PCDH9: variants seen among roughly 807,000 people sequenced by gnomAD.
PCDH9 encodes protocadherin 9, also known as protocadherin-9.
In PCDH9, 24 loss-of-function variants were observed where a neutral mutation model predicts 70.6. That is an observed-to-expected ratio of 0.34 (90% CI 0.25 to 0.48). The LOEUF (loss-of-function observed/expected upper bound fraction) is 0.48. Ranked by LOEUF, PCDH9 falls within the 20% of genes least tolerant of loss-of-function variation. The pLI, the probability that PCDH9 is intolerant of heterozygous loss-of-function variation, is 0.99. For synonymous variants in PCDH9, 562 were observed against 558.5 expected, an observed-to-expected ratio of 1.01 and a Z score of -0.09; for missense variants, 1,281 against 1,503.6, an observed-to-expected ratio of 0.85 and a Z score of 2.45.
chr13:67,109,024 A>G (rs1296659322), intron 2 of PCDH9, among the ~76,000 whole-genome samples: 1 of 152,216 alleles, frequency 6.6e-6, no homozygotes, highest in African/African-American at 2.4e-5. Context: ...AAGTATTCTC[A>G]ACACAGTATC....
intron 3 of PCDH9, among the ~76,000 whole-genome samples, chr13:66,888,294 A>G (rs894492148): frequency 2.0e-5 from 3 of 152,236 alleles, no homozygotes; most frequent in African/African-American, 7.2e-5. Flanking sequence ...CAGGAATTCA[A>G]GACCAGCCTG....
intron 3 of PCDH9, chr13:66,879,998 A>C (rs1254797565): frequency 6.6e-6 from 1 of 152,216 alleles, no homozygotes; most frequent in Non-Finnish European, 1.5e-5. Flanking sequence ...ACACACAAAC[A>C]GAAGGAATAT....
intron 2 of PCDH9, among the ~76,000 whole-genome samples, chr13:67,144,012 A>G (rs2087460970): frequency 6.6e-6 from 1 of 152,142 alleles, no homozygotes; most frequent in Non-Finnish European, 1.5e-5. Flanking sequence ...CAGGTCCAAT[A>G]TCTCCCTAAA....
At chr13:66,473,352 G>A (rs1046815896) in intron 4 of PCDH9, among the ~76,000 whole-genome samples, 5 of 151,178 alleles carry the variant, frequency 3.3e-5, no homozygotes, top group Non-Finnish European at 7.4e-5. Flanking sequence ...ATACAAATAC[G>A]AATTATAAGT....
rs544740284 is a variant in PCDH9, at chr13:66,950,897, T to G, written c.3037-47292A>C. Among the ~76,000 whole-genome samples, 10 of 152,314 alleles carry G rather than the reference T, an allele frequency of 6.6e-5. No individual in the cohort carries two copies. In the South Asian group the frequency reaches 2.1e-3, roughly 32 times the overall value. On this transcript the variant is annotated intron_variant, in intron 2 of 4. Transcript: ENST00000377865. ...TTTCCCATTGTGTATTTATTTTTTC[T>G]CATTACTAAGGACAGCTGGTTGAAT...
intron 2 of PCDH9, among the ~76,000 whole-genome samples, chr13:67,129,553 T>C (rs1451636351): frequency 6.6e-6 from 1 of 152,074 alleles, no homozygotes; most frequent in East Asian, 1.9e-4. Context: ...TAAAATAATA[T>C]AATCATGAAC....
chr13:66,933,708 A>G (rs2082854676), intron 2 of PCDH9, among the ~76,000 whole-genome samples: 1 of 152,164 alleles, frequency 6.6e-6, no homozygotes, highest in African/African-American at 2.4e-5. Flanking sequence ...CGTCAGGCAA[A>G]CAAGGCAAGG....
intron 4 of PCDH9, among the ~76,000 whole-genome samples, chr13:66,440,184 G>A (rs553451710): frequency 6.6e-6 from 1 of 152,222 alleles, no homozygotes; most frequent in South Asian, 2.1e-4. Context: ...GTAAGCATGT[G>A]CTTTCATATG....
chr13:67,196,321 T>C (rs895692431), intron 2 of PCDH9, among the ~76,000 whole-genome samples: 1 of 152,050 alleles, frequency 6.6e-6, no homozygotes, highest in African/African-American at 2.4e-5. Context: ...AATAAAGAAA[T>C]ACATCCTAAA....
intron 3 of PCDH9, among the ~76,000 whole-genome samples, chr13:66,849,130 T>C (rs983090793): frequency 3.3e-5 from 5 of 152,154 alleles, no homozygotes; most frequent in Non-Finnish European, 2.9e-5. Context: ...TATCCAAAGA[T>C]TTCTATTGCT....
intron 3 of PCDH9, among the ~76,000 whole-genome samples, chr13:66,902,243 C>A (rs78959369): frequency 0.012 from 1,779 of 151,496 alleles, 27 homozygotes; most frequent in African/African-American, 0.039. Context: ...AAAATCATTT[C>A]TAAGTATTTA....
intron 4 of PCDH9, among the ~76,000 whole-genome samples, chr13:66,433,279 A>G (rs1957806579): frequency 6.6e-6 from 1 of 151,964 alleles, no homozygotes; most frequent in Non-Finnish European, 1.5e-5. Flanking sequence ...AATGCCTTTG[A>G]AATTTTTCAA....
chr13:66,469,500 AGAAG>A (rs1006126582), intron 4 of PCDH9, among the ~76,000 whole-genome samples: 1 of 149,898 alleles, frequency 6.7e-6, no homozygotes, highest in African/African-American at 2.4e-5. Context: ...GAAGGAGGGA[AGAAG>A]GAAGGGAGGG....
intron 3 of PCDH9, among the ~76,000 whole-genome samples, chr13:66,740,828 C>A (rs1202476645): frequency 3.4e-5 from 5 of 146,728 alleles, no homozygotes; most frequent in Non-Finnish European, 7.6e-5. Flanking sequence ...ATAACAGGAT[C>A]TGAAATTGTG....
intron 2 of PCDH9, among the ~76,000 whole-genome samples, chr13:67,027,477 C>A (rs902893054): frequency 6.6e-6 from 1 of 152,038 alleles, no homozygotes; most frequent in African/African-American, 2.4e-5. Flanking sequence ...AGAAGAAAAC[C>A]TAGGCATTAC....
At chr13:66,347,733 T>C (rs1193645152) in intron 4 of PCDH9, among the ~76,000 whole-genome samples, 1 of 152,188 alleles carries the variant, frequency 6.6e-6, no homozygotes, top group Admixed American at 6.6e-5. Context: ...CCTGTAAGCC[T>C]AGCTCTGCCG....
intron 3 of PCDH9, among the ~76,000 whole-genome samples, chr13:66,636,544 T>C (rs1035504167): frequency 1.3e-5 from 2 of 152,094 alleles, no homozygotes; most frequent in African/African-American, 4.8e-5. Flanking sequence ...ATAATTATTG[T>C]CCAATGGAAT....
At position 67,093,318 on chromosome 13, in the gene PCDH9, G is replaced by T. The variant is rs866013014; in HGVS notation, c.3036+132087C>A. Among the ~76,000 whole-genome samples the T allele has an allele frequency of 2.0e-4, 30 of 152,138 alleles. 1 individual carries two copies. In the Middle Eastern group the frequency reaches 0.024, roughly 122 times the overall value. The stretch of plus-strand genomic sequence containing the variant: ...AAAAATACAAAAATTAGCTGGACAT[G>T]GTAGTGGGCTTCTGTATCCCAGCTA... On this transcript the variant is annotated intron_variant, in intron 2 of 4. Transcript: ENST00000377865.
intron 4 of PCDH9, among the ~76,000 whole-genome samples, chr13:66,554,705 G>A (rs568724085): frequency 1.3e-5 from 2 of 151,938 alleles, no homozygotes; most frequent in Non-Finnish European, 2.9e-5. Context: ...AGAACTTCTA[G>A]AGCTTCTAAA....
Sources: allele counts gnomAD v4.1 joint callset (sites outside exome capture counted in the v4.1 genomes callset), GRCh38; gene constraint gnomAD v4.1.1; transcripts MANE v1.5; gene names NCBI Gene and HGNC (gene_info 2026-07-23, HGNC 2026-07-21).